Variants in FREM1 observed in about 807,000 individuals in gnomAD.
FREM1 encodes the protein FRAS1-related extracellular matrix protein 1.
FREM1 carries 220 observed loss-of-function variants against 210.1 expected under a neutral mutation model. The observed-to-expected ratio is 1.05, with a 90% CI of 0.94 to 1.17. FREM1 has a LOEUF of 1.17. Among genes scored for constraint, FREM1 ranks in the 50% most tolerant of loss-of-function variants. The pLI is 0.00. For synonymous variants in FREM1, 1,189 were observed against 980.2 expected (o/e 1.21, Z -3.98); for missense variants, 3,454 against 2,675.5 (o/e 1.29, Z -6.42).
intron 5 of FREM1, 131 bp downstream of exon 5, chr9:14,857,422 G>C (rs1828968680): frequency 5.0e-6 from 4 of 805,310 alleles, no homozygotes; most frequent in Non-Finnish European, 8.9e-6. Context: ...CAGTTCCAAT[G>C]AGTCGCTGGC....
At chr9:14,872,976 G>T (rs1310750983) in intron 1 of FREM1, among the ~76,000 whole-genome samples, 1 of 150,402 alleles carries the variant, frequency 6.6e-6, no homozygotes, top group Non-Finnish European at 1.5e-5. Context: ...TACATTTATT[G>T]ATTTGCGTAT....
intron 7 of FREM1, among the ~76,000 whole-genome samples, chr9:14,847,434 G>A (rs200137062): frequency 0.42 from 13,481 of 32,188 alleles, 2,003 homozygotes; most frequent in African/African-American, 0.57. Flanking sequence ...GGAAGGGAGG[G>A]AGGGAGGGAG....
intron 1 of FREM1, among the ~76,000 whole-genome samples, chr9:14,874,148 A>G (rs1833247081): frequency 6.6e-6 from 1 of 152,060 alleles, no homozygotes; most frequent in Admixed American, 6.5e-5. Context: ...TATTCTGTTG[A>G]TTTGGGGTGG....
At chr9:14,810,244 TAA>T (rs1819157690) in intron 16 of FREM1, among the ~76,000 whole-genome samples, 1 of 152,058 alleles carries the variant, frequency 6.6e-6, no homozygotes. Context: ...AAGACAGCTT[TAA>T]AAACAGAGAA....
intron 27 of FREM1, among the ~76,000 whole-genome samples, chr9:14,762,755 A>ATTTT (rs34136678): frequency 0.16 from 22,198 of 137,584 alleles, 2,120 homozygotes; most frequent in Non-Finnish European, 0.23. Context: ...TTTGAATGTG[A>ATTTT]TTTTTTTTTT....
At chr9:14,858,681 A>G (rs535510772) in intron 4 of FREM1, among the ~76,000 whole-genome samples, 1 of 152,278 alleles carries the variant, frequency 6.6e-6, no homozygotes, top group South Asian at 2.1e-4. Context: ...AAATAGGTTG[A>G]TTGAGTGAAT....
chr9:14,807,819 G>C (rs1818665182), intron 17 of FREM1, 121 bp downstream of exon 17: 1 of 732,132 alleles, frequency 1.4e-6, no homozygotes, highest in African/African-American at 1.8e-5. Flanking sequence ...GGTAATTATT[G>C]AAGGACAATT....
intron 1 of FREM1, among the ~76,000 whole-genome samples, chr9:14,895,678 T>G (rs2132475230): frequency 6.6e-6 from 1 of 152,162 alleles, no homozygotes; most frequent in Non-Finnish European, 1.5e-5. Context: ...AGAATAAGCC[T>G]ACTAGATGTT....
chr9:14,894,832 A>G (rs940914058), intron 1 of FREM1, among the ~76,000 whole-genome samples: 1 of 152,250 alleles, frequency 6.6e-6, no homozygotes, highest in Non-Finnish European at 1.5e-5. Context: ...CATAAGTGCA[A>G]TAAGAATCTG....
At chr9:14,812,303 C>G (rs1340175561) in intron 16 of FREM1, among the ~76,000 whole-genome samples, 2 of 152,202 alleles carry the variant, frequency 1.3e-5, no homozygotes, top group Non-Finnish European at 2.9e-5. Flanking sequence ...TTCTGTACAT[C>G]TAACCTGTGT....
At chr9:14,850,873 G>C (rs554219795) in intron 6 of FREM1, among the ~76,000 whole-genome samples, 1 of 152,142 alleles carries the variant, frequency 6.6e-6, no homozygotes, top group African/African-American at 2.4e-5. Context: ...AGAAATATTT[G>C]GTAGCTAGCA....
chr9:14,835,883 C>T lies in FREM1; in HGVS notation c.1881+5564G>A, dbSNP rs959476351. ...ACTTATCATACATTTGTCATTAAAT[C>T]CTAGTCTCTTGTTTTTCAGCTTTTT... is the stretch of plus-strand genomic sequence containing the variant. On this transcript the variant is annotated intron_variant, in intron 10 of 36. Transcript: ENST00000380880. Among the ~76,000 whole-genome samples the T allele has an allele frequency of 3.9e-5, 6 of 152,296 alleles. No individual in the cohort carries two copies. The South Asian group carries it at 6.2e-4, about 16-fold the overall frequency.
At chr9:14,801,460 T>G (rs988120187) in intron 20 of FREM1, among the ~76,000 whole-genome samples, 192 bp downstream of exon 20, 5 of 152,224 alleles carry the variant, frequency 3.3e-5, no homozygotes, top group African/African-American at 1.2e-4. Context: ...TCTCTTGAAC[T>G]TACTTCTCCT....
chr9:14,767,443 C>A (rs1846640028), intron 27 of FREM1, among the ~76,000 whole-genome samples: 1 of 152,180 alleles, frequency 6.6e-6, no homozygotes, highest in African/African-American at 2.4e-5. Flanking sequence ...TCTAAAGCTG[C>A]ATTTCCACTT....
At chr9:14,789,896 C>A (rs190159988) in intron 22 of FREM1, among the ~76,000 whole-genome samples, 48 of 152,110 alleles carry the variant, frequency 3.2e-4, no homozygotes, top group African/African-American at 1.1e-3. Flanking sequence ...ATTAATAATC[C>A]TATTATTGTT....
At chr9:14,789,506 CT>C (rs1850942146) in intron 22 of FREM1, among the ~76,000 whole-genome samples, 1 of 152,104 alleles carries the variant, frequency 6.6e-6, no homozygotes, top group East Asian at 1.9e-4. Context: ...TTTTTTAGTT[CT>C]TTTCATGTTC....
At chr9:14,827,421 T>C (rs1420771472) in intron 10 of FREM1, among the ~76,000 whole-genome samples, 2 of 152,118 alleles carry the variant, frequency 1.3e-5, no homozygotes, top group Non-Finnish European at 2.9e-5. Context: ...GTGGAAGAAA[T>C]AACTAAGCAA....
Position 14,775,912 on chromosome 9 carries a change from G to C in FREM1, c.4734C>G (p.Ala1578=). 6.2e-7 allele frequency: 1 copy of C among 1,613,980 alleles called. No homozygotes were observed. The highest frequency in any genetic ancestry group is 8.5e-7 in the Non-Finnish European group (1 of 1,179,868). Residue 1578 remains alanine (A), a synonymous_variant, in exon 25 of 37, where the codon GCC becomes GCG. Transcript: ENST00000380880. ...GGGAGTCCCCTCCTGAGTGCCGATA[G>C]GCCACATTCTTGCTGTCCACATCCT... is the stretch of plus-strand genomic sequence containing the variant. ...TQQDVDSKNV[A]YRHSGGDSQT... is the part of the protein sequence containing the mutation.
chr9:14,890,912 T>C (rs1381082396), intron 1 of FREM1, among the ~76,000 whole-genome samples: 3 of 152,226 alleles, frequency 2.0e-5, no homozygotes, highest in Non-Finnish European at 4.4e-5. Flanking sequence ...CTTAAAATCA[T>C]GTTGCTTTCA....
Sources: allele counts gnomAD v4.1 joint callset (sites outside exome capture counted in the v4.1 genomes callset), GRCh38; gene constraint gnomAD v4.1.1; transcripts MANE v1.5; gene names NCBI Gene and HGNC (gene_info 2026-07-23, HGNC 2026-07-21).